Variants in AGAP1 observed in about 807,000 individuals in gnomAD.
AGAP1 encodes the protein arf-GAP with GTPase, ANK repeat and PH domain-containing protein 1.
A neutral mutation model predicts 105.3 loss-of-function variants in AGAP1; 29 were observed. The ratio of observed to expected loss-of-function variants is 0.28; its 90% CI spans 0.21 to 0.38. AGAP1 has a LOEUF of 0.38. Ranked by LOEUF, AGAP1 falls within the 10% of genes least tolerant of loss-of-function variation. The probability of loss-of-function intolerance (pLI) is 1.00; values close to 1 mark genes in which losing one functional copy is unlikely to be tolerated. For synonymous variants in AGAP1, 509 were observed against 485.9 expected, an observed-to-expected ratio of 1.05 and a Z score of -0.63; for missense variants, 998 against 1,165.1, an observed-to-expected ratio of 0.86 and a Z score of 2.09.
At chr2:235,730,976 C>T (rs977650598) in intron 3 of AGAP1, among the ~76,000 whole-genome samples, 5 of 152,304 alleles carry the variant, frequency 3.3e-5, no homozygotes, top group Admixed American at 3.3e-4. Flanking sequence ...CCCCAACCCC[C>T]AGCCCCTAGC....
chr2:235,655,401 A>G lies in AGAP1; in HGVS notation c.164-53778A>G, dbSNP rs147992944. Among the ~76,000 whole-genome samples the G allele has an allele frequency of 2.2e-3, 342 of 152,328 alleles. No homozygotes were observed. Among genetic ancestry groups the G allele is most frequent in the African/African-American group, 7.4e-3 (309 of 41,568 alleles). ...CTGAATTCCTTTCTAGGTAATTTCAATGTTGGTCATGCCCAGGGATCTCCT... is the reference window on the plus strand; with the variant it reads ...CTGAATTCCTTTCTAGGTAATTTCAGTGTTGGTCATGCCCAGGGATCTCCT... On this transcript the variant is annotated intron_variant, in intron 1 of 17. Coordinates refer to ENST00000304032, the MANE Select transcript of AGAP1 (RefSeq NM_001037131.3). The surrounding 1 kb of genome is among the most constrained non-coding windows in gnomAD (Gnocchi z 4.3).
intron 13 of AGAP1, among the ~76,000 whole-genome samples, chr2:236,034,076 T>C (rs1411609680): frequency 6.6e-6 from 1 of 152,218 alleles, no homozygotes; most frequent in African/African-American, 2.4e-5. Flanking sequence ...TTTCATACCT[T>C]ACCTATCTGT....
chr2:235,735,019 C>T (rs775590187), intron 3 of AGAP1, among the ~76,000 whole-genome samples: 6 of 121,240 alleles, frequency 4.9e-5, no homozygotes, highest in African/African-American at 1.0e-4. Context: ...TATCCTGCCG[C>T]GCACTGGCCG....
intron 1 of AGAP1, among the ~76,000 whole-genome samples, chr2:235,498,145 A>G (rs1941401986): frequency 1.3e-5 from 2 of 152,176 alleles, no homozygotes; most frequent in South Asian, 4.1e-4. Context: ...TTTTAGTTGA[A>G]AGGCCCACCA....
At chr2:235,933,014 A>G (rs916779343) in intron 12 of AGAP1, among the ~76,000 whole-genome samples, 1 of 152,216 alleles carries the variant, frequency 6.6e-6, no homozygotes, top group African/African-American at 2.4e-5. Context: ...CTGACCTCGT[A>G]AATCTTGAAC....
rs1221120895 is a variant in AGAP1 at position 235,577,507 on chromosome 2, G to A, written c.163+82658G>A. 1.3e-5 allele frequency among the ~76,000 whole-genome samples: 2 copies of A among 152,100 alleles called. No homozygotes were observed. The highest frequency in any genetic ancestry group is 2.9e-5 in the Non-Finnish European group (2 of 68,030). ...CTGCTTGGAGCAGAGTCCTGTGTTTGTTTGGAAATGATCGGAAGCTCCTGT... is the reference window on the plus strand; with the variant it reads ...CTGCTTGGAGCAGAGTCCTGTGTTTATTTGGAAATGATCGGAAGCTCCTGT... On this transcript the variant is annotated intron_variant, in intron 1 of 17. Coordinates refer to ENST00000304032, the MANE Select transcript of AGAP1 (RefSeq NM_001037131.3). The surrounding 1 kb of genome is among the most constrained non-coding windows in gnomAD (Gnocchi z 4.5).
At chr2:235,666,121 C>T (rs1948119404) in intron 1 of AGAP1, among the ~76,000 whole-genome samples, 1 of 152,044 alleles carries the variant, frequency 6.6e-6, no homozygotes, top group Non-Finnish European at 1.5e-5. Context: ...CTGCAGTCTT[C>T]CTCTCTCGCG....
In AGAP1 at chr2:235,865,877, T is replaced by C. The variant is rs2049144457; in HGVS notation, c.1051-17468T>C. On this transcript the variant is annotated intron_variant, in intron 9 of 17. Coordinates refer to ENST00000304032, the MANE Select transcript of AGAP1 (RefSeq NM_001037131.3). The surrounding 1 kb of genome is among the most constrained non-coding windows in gnomAD (Gnocchi z 6.2). The stretch of plus-strand genomic sequence containing the variant: ...GTGAATTTGCCAGAAGTTTTCCGTT[T>C]GTGGAGGACTGGGGAAAGCCAGTTA... Among the ~76,000 whole-genome samples the C allele has an allele frequency of 6.6e-6, 1 of 152,236 alleles. No individual in the cohort carries two copies. Among genetic ancestry groups the C allele is most frequent in the African/African-American group, 2.4e-5 (1 of 41,464 alleles).
At position 235,864,548 on chromosome 2, in the gene AGAP1, G is replaced by C. The variant is rs1444780154; in HGVS notation, c.1051-18797G>C. On this transcript the variant is annotated intron_variant, in intron 9 of 17. Coordinates refer to ENST00000304032, the MANE Select transcript of AGAP1 (RefSeq NM_001037131.3). This position sits in a 1 kb window ranked among gnomAD's most constrained non-coding sequence, Gnocchi z 5.0. ...CCCCGGAGCCCCCAAACGCAGGTCA[G>C]CATGGAGGGGCAGCCTGCAGAGGTG... 6.6e-6 allele frequency among the ~76,000 whole-genome samples: 1 copy of C among 152,240 alleles called. No individual in the cohort carries two copies. Among genetic ancestry groups the C allele is most frequent in the Non-Finnish European group, 1.5e-5 (1 of 68,040 alleles).
rs2123508 is a variant in AGAP1, at chr2:236,036,216, G to A, written c.1646-345G>A. Among the ~76,000 whole-genome samples the A allele has an allele frequency of 0.26, 39,253 of 151,998 alleles. 6,375 individuals carry two copies. Among genetic ancestry groups the A allele is most frequent in the African/African-American group, 0.46 (19,083 of 41,436 alleles). On this transcript the variant is annotated intron_variant, in intron 13 of 17. Coordinates refer to ENST00000304032, the MANE Select transcript of AGAP1 (RefSeq NM_001037131.3). The surrounding 1 kb of genome is among the most constrained non-coding windows in gnomAD (Gnocchi z 5.7). ...GATTAGCGGCCCTAACTTAATTTTC[G>A]TCCCACAGATAAGGATGGTCAGCCA...
chr2:235,804,967 G>T (rs966026477), intron 8 of AGAP1, among the ~76,000 whole-genome samples: 1 of 152,190 alleles, frequency 6.6e-6, no homozygotes, highest in African/African-American at 2.4e-5. Context: ...TCCCAAGTTA[G>T]CAGAGAAAGG....
chr2:235,628,379 C>T (rs896934622), intron 1 of AGAP1, among the ~76,000 whole-genome samples: 2 of 152,150 alleles, frequency 1.3e-5, no homozygotes, highest in African/African-American at 4.8e-5. Context: ...GAGCACTGGA[C>T]TTGTCCAGGG....
At chr2:235,969,732 G>A (rs1050915235) in intron 13 of AGAP1, among the ~76,000 whole-genome samples, 1 of 152,170 alleles carries the variant, frequency 6.6e-6, no homozygotes, top group African/African-American at 2.4e-5. Flanking sequence ...GGTGTGCTGT[G>A]TGTTTCCATA....
At chr2:236,102,213 C>A (rs57021806) in intron 16 of AGAP1, among the ~76,000 whole-genome samples, 2 of 151,948 alleles carry the variant, frequency 1.3e-5, no homozygotes, top group Non-Finnish European at 2.9e-5. Flanking sequence ...GTCAGGAGAT[C>A]GAGACCATCC....
At position 236,035,602 on chromosome 2, in the gene AGAP1, C is replaced by A. The variant is rs1452452850; in HGVS notation, c.1646-959C>A. On this transcript the variant is annotated intron_variant, in intron 13 of 17. Transcript: ENST00000304032. This position sits in a 1 kb window ranked among gnomAD's most constrained non-coding sequence, Gnocchi z 4.2. ...TTGCACCATGGCACTCCAGCTTGGA[C>A]AACAAAGTGGGACTCCATCTCAAAA... is the stretch of plus-strand genomic sequence containing the variant. 1.3e-5 allele frequency among the ~76,000 whole-genome samples: 2 copies of A among 152,088 alleles called. No individual in the cohort carries two copies. The highest frequency in any genetic ancestry group is 4.8e-5 in the African/African-American group (2 of 41,350).
rs772565738 is a variant in AGAP1, at chr2:235,717,640, G to T, written c.306G>T (p.Pro102=). The T allele has an allele frequency of 1.9e-6, 3 of 1,600,430 alleles. No homozygotes were observed. Among genetic ancestry groups the T allele is most frequent in the Non-Finnish European group, 2.5e-6 (3 of 1,176,960 alleles). The change falls in exon 3 of 18, where the codon CCG becomes CCT. Residue 102 remains proline, a synonymous_variant. Coordinates refer to ENST00000304032, the MANE Select transcript of AGAP1 (RefSeq NM_001037131.3). ...GCACATATGTCCAGGAGGAGTCTCC[G>T]GAAGGTATGCTGTTTGGCAGGCAGT... is the stretch of plus-strand genomic sequence containing the variant. ...LTGTYVQEES[P]EGGRFKKEIV... is the part of the protein sequence containing the mutation.
intron 8 of AGAP1, among the ~76,000 whole-genome samples, chr2:235,803,280 T>C (rs1039158915): frequency 1.3e-5 from 2 of 152,180 alleles, no homozygotes; most frequent in African/African-American, 4.8e-5. Context: ...TAGATGTCAG[T>C]GTCATCCAAG....
intron 1 of AGAP1, among the ~76,000 whole-genome samples, chr2:235,587,838 G>A (rs1945170892): frequency 2.0e-5 from 3 of 151,972 alleles, no homozygotes; most frequent in East Asian, 1.9e-4. Context: ...CTAACACTCA[G>A]CCCCACAGGG....
chr2:235,863,599 GC>G (rs978757821), intron 9 of AGAP1, among the ~76,000 whole-genome samples: 3 of 152,206 alleles, frequency 2.0e-5, no homozygotes, highest in African/African-American at 7.2e-5. Context: ...ACAGACGCTG[GC>G]TGGGGTTAGG....
Sources: allele counts gnomAD v4.1 joint callset (sites outside exome capture counted in the v4.1 genomes callset), GRCh38; gene constraint gnomAD v4.1.1; non-coding constraint Gnocchi (gnomAD v3.1); transcripts MANE v1.5; gene names NCBI Gene and HGNC (gene_info 2026-07-23, HGNC 2026-07-21).